CSMD1: variants seen among roughly 807,000 people sequenced by gnomAD.
CSMD1 encodes the protein CUB and sushi domain-containing protein 1.
Under a neutral mutation model 417.5 loss-of-function variants are expected in CSMD1, and 213 were observed. The observed-to-expected ratio is 0.51, with a 90% CI of 0.46 to 0.57. The LOEUF is 0.57. Among genes scored for constraint, CSMD1 ranks in the 20% least tolerant of loss-of-function variants. The probability of loss-of-function intolerance (pLI) is 0.00; values close to 1 mark genes in which losing one functional copy is unlikely to be tolerated. For missense variants in CSMD1, 6,923 were observed against 4,529.7 expected (o/e 1.53, Z -15.17); for synonymous variants, 2,862 against 1,736.8 (o/e 1.65, Z -16.11).
rs529921317 is a variant in CSMD1 at position 4,531,844 on chromosome 8, G to T, written c.302+105498C>A. ...TCAGAAACTTTTATCACTTTGAAAA[G>T]AAATCCTGCACCGCATTCAGTCACT... On this transcript the variant is annotated intron_variant, in intron 2 of 69. Coordinates refer to ENST00000635120, the MANE Select transcript of CSMD1 (RefSeq NM_033225.6). Among the ~76,000 whole-genome samples the T allele has an allele frequency of 3.5e-4, 53 of 152,212 alleles. No homozygotes were observed. In the South Asian group the frequency reaches 0.01, roughly 29 times the overall value.
At chr8:3,087,324 G>A (rs1206983646) in intron 48 of CSMD1, 39 bp from the exon 49 acceptor site, 8 of 1,593,776 alleles carry the variant, frequency 5.0e-6, no homozygotes, top group Non-Finnish European at 1.7e-6. Context: ...AAGTCAACAA[G>A]CAAACAAATG....
At chr8:4,233,692 A>C (rs1801877418) in intron 3 of CSMD1, among the ~76,000 whole-genome samples, 1 of 152,178 alleles carries the variant, frequency 6.6e-6, no homozygotes, top group Non-Finnish European at 1.5e-5. Flanking sequence ...CAATGTATGG[A>C]ATTTTGGTAC....
At position 4,813,844 on chromosome 8, in the gene CSMD1, A is replaced by G. The variant is rs1438536277; in HGVS notation, c.86-176286T>C. On this transcript the variant is annotated intron_variant, in intron 1 of 69. Transcript: ENST00000635120. ...ATACAAGGCAGTAATTCCAGAGTGC[A>G]TAGTAGCATTCTCAGGTTTTGTGTG... is the stretch of plus-strand genomic sequence containing the variant. Among the ~76,000 whole-genome samples the G allele has an allele frequency of 3.9e-5, 6 of 152,332 alleles. No individual in the cohort carries two copies. In the East Asian group the frequency reaches 5.8e-4, roughly 15 times the overall value.
intron 49 of CSMD1, among the ~76,000 whole-genome samples, chr8:3,085,784 C>T (rs1172671603): frequency 1.3e-5 from 2 of 152,158 alleles, no homozygotes; most frequent in African/African-American, 2.4e-5. Flanking sequence ...CCTCATAATC[C>T]GTTTCCAGAA....
At chr8:4,077,466 A>T (rs1028760800) in intron 3 of CSMD1, among the ~76,000 whole-genome samples, 1 of 151,736 alleles carries the variant, frequency 6.6e-6, no homozygotes, top group African/African-American at 2.4e-5. Context: ...ATTACTCTTA[A>T]ATGTCTAGTT....
intron 1 of CSMD1, among the ~76,000 whole-genome samples, chr8:4,661,573 T>C (rs891915245): frequency 2.0e-5 from 3 of 152,172 alleles, no homozygotes; most frequent in African/African-American, 7.2e-5. Flanking sequence ...AATGTGTTCA[T>C]CTCAATACCT....
At chr8:2,966,955 C>G (rs2128929340) in intron 57 of CSMD1, among the ~76,000 whole-genome samples, 1 of 152,292 alleles carries the variant, frequency 6.6e-6, no homozygotes, top group Non-Finnish European at 1.5e-5. Flanking sequence ...AATAACCTTT[C>G]AATTCGTCTT....
intron 1 of CSMD1, among the ~76,000 whole-genome samples, chr8:4,987,439 G>A (rs62491284): frequency 2.0e-5 from 3 of 152,008 alleles, no homozygotes; most frequent in Non-Finnish European, 4.4e-5. Context: ...TAATTCCATC[G>A]GGGTTCATGG....
At chr8:3,529,447 G>A (rs779746923) in intron 10 of CSMD1, among the ~76,000 whole-genome samples, 1 of 152,134 alleles carries the variant, frequency 6.6e-6, no homozygotes, top group Non-Finnish European at 1.5e-5. Flanking sequence ...ATTTTTGTAA[G>A]ACAGAATCAT....
chr8:4,409,288 G>T (rs897613234), intron 3 of CSMD1, among the ~76,000 whole-genome samples: 1 of 152,122 alleles, frequency 6.6e-6, no homozygotes, highest in African/African-American at 2.4e-5. Context: ...TCGGCTTTGT[G>T]TTAAGTCAAT....
intron 8 of CSMD1, among the ~76,000 whole-genome samples, chr8:3,605,711 G>T (rs1410238819): frequency 6.6e-6 from 1 of 152,150 alleles, no homozygotes; most frequent in South Asian, 2.1e-4. Flanking sequence ...AAGAACAGAT[G>T]TTATTAGCAT....
At chr8:4,639,957 A>C (rs1014522377) in intron 1 of CSMD1, among the ~76,000 whole-genome samples, 8 of 152,208 alleles carry the variant, frequency 5.3e-5, no homozygotes, top group Non-Finnish European at 8.8e-5. Context: ...TTTTTAAAGA[A>C]AATAGCTTGT....
At chr8:3,772,336 C>CATAT (rs1563063951) in intron 5 of CSMD1, among the ~76,000 whole-genome samples, 828 of 30,590 alleles carry the variant, frequency 0.027, 151 homozygotes, top group African/African-American at 0.12. Flanking sequence ...TATATTTAGA[C>CATAT]ATACATATAT....
intron 1 of CSMD1, among the ~76,000 whole-genome samples, chr8:4,966,268 A>G (rs940113847): frequency 8.6e-5 from 13 of 151,560 alleles, no homozygotes; most frequent in Non-Finnish European, 1.9e-4. Flanking sequence ...AATCCCAGCT[A>G]CTTGGGAGGC....
At chr8:3,962,056 G>A (rs2140340) in intron 5 of CSMD1, among the ~76,000 whole-genome samples, 12,823 of 152,218 alleles carry the variant, frequency 0.084, 649 homozygotes, top group Middle Eastern at 0.14. Context: ...GTGAGAAGGT[G>A]CACGGACCAT....
At chr8:4,858,167 A>T (rs965866501) in intron 1 of CSMD1, among the ~76,000 whole-genome samples, 20 of 149,920 alleles carry the variant, frequency 1.3e-4, no homozygotes, top group African/African-American at 4.9e-4. Flanking sequence ...CAAAAACCAC[A>T]TGATTATCTC....
chr8:4,577,848 G>A (rs1799208170), intron 2 of CSMD1, among the ~76,000 whole-genome samples: 1 of 152,122 alleles, frequency 6.6e-6, no homozygotes, highest in African/African-American at 2.4e-5. Flanking sequence ...CTGGCACATA[G>A]CAGACCTCAA....
intron 25 of CSMD1, among the ~76,000 whole-genome samples, chr8:3,290,004 T>G (rs1483402640): frequency 6.8e-6 from 1 of 147,502 alleles, no homozygotes; most frequent in East Asian, 2.0e-4. Flanking sequence ...AATTTTTGTG[T>G]AAGGTGTAAG....
intron 1 of CSMD1, among the ~76,000 whole-genome samples, chr8:4,910,690 T>C (rs572734431): frequency 1.3e-5 from 2 of 152,330 alleles, no homozygotes; most frequent in Admixed American, 6.5e-5. Context: ...CATTCAGTCA[T>C]AGAAATGTGT....
Sources: gnomAD v4.1 joint callset for allele counts (sites outside exome capture counted in the v4.1 genomes callset) on GRCh38, gnomAD v4.1.1 for gene constraint, MANE v1.5 for transcripts, NCBI Gene and HGNC (gene_info 2026-07-23, HGNC 2026-07-21) for gene names.